The following DLG2 variants were observed in gnomAD, a reference collection of about 807,000 sequenced individuals.
The protein encoded by DLG2 is discs large MAGUK scaffold protein 2, also known as disks large homolog 2.
A neutral mutation model predicts 132.5 loss-of-function variants in DLG2; 45 were observed. That is an observed-to-expected ratio of 0.34 (90% confidence interval 0.27 to 0.44). DLG2 has a LOEUF of 0.44. DLG2 is among the 20% of genes least tolerant of loss of function. The pLI, the probability that DLG2 is intolerant of heterozygous loss-of-function variation, is 1.00. For synonymous variants in DLG2, 424 were observed against 419.6 expected (o/e 1.01, Z -0.13); for missense variants, 1,045 against 1,196.9 (o/e 0.87, Z 1.87).
intron 16 of DLG2, among the ~76,000 whole-genome samples, chr11:83,868,505 T>C (rs1183478191): frequency 6.6e-6 from 1 of 152,084 alleles, no homozygotes; most frequent in Non-Finnish European, 1.5e-5. Context: ...TACATATAAA[T>C]ACATATATAC....
intron 8 of DLG2, among the ~76,000 whole-genome samples, chr11:84,199,161 T>C (rs2096560679): frequency 6.6e-6 from 1 of 152,138 alleles, no homozygotes; most frequent in South Asian, 2.1e-4. Flanking sequence ...GAGTATGTAT[T>C]TCTAAGAGTG....
intron 6 of DLG2, among the ~76,000 whole-genome samples, chr11:85,109,216 C>T (rs1334441476): frequency 1.3e-5 from 2 of 152,090 alleles, no homozygotes; most frequent in Admixed American, 6.6e-5. Context: ...TCGGTATCTG[C>T]TGCACAACTC....
At chr11:84,913,926 G>A (rs930426203) in intron 6 of DLG2, among the ~76,000 whole-genome samples, 5 of 152,028 alleles carry the variant, frequency 3.3e-5, no homozygotes, top group Admixed American at 1.3e-4. Flanking sequence ...TTTTATTTGC[G>A]CCAAGATTCA....
At chr11:84,160,703 G>C (rs1230417071) in intron 9 of DLG2, among the ~76,000 whole-genome samples, 1 of 152,202 alleles carries the variant, frequency 6.6e-6, no homozygotes, top group African/African-American at 2.4e-5. Context: ...TTGCAGAAGA[G>C]AGAGGAGATA....
intron 11 of DLG2, among the ~76,000 whole-genome samples, chr11:83,982,623 G>A (rs7943072): frequency 0.87 from 132,841 of 152,140 alleles, 58,313 homozygotes; most frequent in East Asian, 1. Flanking sequence ...AAGTTACAGT[G>A]AGCTAAGGTT....
intron 16 of DLG2, among the ~76,000 whole-genome samples, chr11:83,839,063 G>C (rs1379643009): frequency 6.6e-6 from 1 of 152,120 alleles, no homozygotes; most frequent in Non-Finnish European, 1.5e-5. Flanking sequence ...CCATCTGGGG[G>C]CATTTTGTTA....
chr11:83,920,346 T>C (rs2077637619), intron 15 of DLG2, among the ~76,000 whole-genome samples: 1 of 91,280 alleles, frequency 1.1e-5, no homozygotes, highest in African/African-American at 4.6e-5. Context: ...GAAGGTTTAT[T>C]TTCTCTTCTC....
chr11:85,483,619 A>G (rs769186238), intron 3 of DLG2, among the ~76,000 whole-genome samples: 3 of 152,210 alleles, frequency 2.0e-5, no homozygotes, highest in Non-Finnish European at 2.9e-5. Context: ...AATCACTTAT[A>G]ACTTTAGTAT....
chr11:83,679,962 T>C (rs1424014628), intron 18 of DLG2, among the ~76,000 whole-genome samples: 1 of 152,180 alleles, frequency 6.6e-6, no homozygotes, highest in Non-Finnish European at 1.5e-5. Flanking sequence ...AAGGAAATTA[T>C]ATGTGTCACG....
At position 84,502,277 on chromosome 11, in the gene DLG2, TC is replaced by T. The variant is rs1445283126; in HGVS notation, c.519+32292del. Among the ~76,000 whole-genome samples, 4 of 60,856 alleles carry T rather than the reference TC, an allele frequency of 6.6e-5. 1 individual carries two copies. The highest frequency in any genetic ancestry group is 2.9e-4 in the East Asian group (1 of 3,426). The allele number at this position is 60,856 out of a possible 152,430, so 39.9% of individuals were successfully genotyped here. A position where few individuals can be genotyped will look rare whatever the true frequency, so the allele number is the denominator to read the frequency against. On this transcript the variant is annotated intron_variant, in intron 7 of 27. Coordinates refer to ENST00000376104, the MANE Select transcript of DLG2 (RefSeq NM_001142699.3). ...TTCCTTCCTTCCTTCCTTCCTTCCT[TC>T]CTTCTTTCTTTCTTTCTTTCTTTCT...
chr11:84,171,702 T>C (rs11827520), intron 8 of DLG2, among the ~76,000 whole-genome samples: 4,956 of 152,270 alleles, frequency 0.033, 247 homozygotes, highest in African/African-American at 0.11. Context: ...AGGTATCTTT[T>C]TGATACGATG....
intron 3 of DLG2, among the ~76,000 whole-genome samples, chr11:85,597,055 T>C (rs1348663452): frequency 6.6e-6 from 1 of 152,254 alleles, no homozygotes; most frequent in East Asian, 1.9e-4. Context: ...CTAATTTTAC[T>C]AGAGAAATTC....
At chr11:84,376,623 C>T (rs1317038609) in intron 7 of DLG2, among the ~76,000 whole-genome samples, 1 of 151,668 alleles carries the variant, frequency 6.6e-6, no homozygotes, top group Non-Finnish European at 1.5e-5. Context: ...GGTTAGTATT[C>T]TTGATTTTTA....
intron 6 of DLG2, among the ~76,000 whole-genome samples, chr11:84,816,214 G>A (rs1451841759): frequency 1.3e-5 from 2 of 151,874 alleles, no homozygotes; most frequent in Admixed American, 1.3e-4. Context: ...GGATGAGTTT[G>A]ATTTATTAAA....
intron 19 of DLG2, among the ~76,000 whole-genome samples, chr11:83,594,385 A>G (rs1375593585): frequency 6.6e-6 from 1 of 152,232 alleles, no homozygotes; most frequent in Non-Finnish European, 1.5e-5. Context: ...TGCATTTAAG[A>G]AATATGTTGC....
At chr11:84,532,576 G>C (rs1467118571) in intron 7 of DLG2, among the ~76,000 whole-genome samples, 1 of 152,004 alleles carries the variant, frequency 6.6e-6, no homozygotes, top group African/African-American at 2.4e-5. Flanking sequence ...GCTTACTCCA[G>C]CCTCAACTTC....
chr11:85,379,144 A>G (rs988331323), intron 3 of DLG2, among the ~76,000 whole-genome samples: 1 of 152,214 alleles, frequency 6.6e-6, no homozygotes, highest in Non-Finnish European at 1.5e-5. Flanking sequence ...CTTACAATGA[A>G]CAAGAACTTC....
intron 6 of DLG2, among the ~76,000 whole-genome samples, chr11:84,928,549 T>C (rs2047675087): frequency 6.6e-6 from 1 of 151,954 alleles, no homozygotes. Flanking sequence ...AAAAAGGTGC[T>C]ATCATTCCTT....
At chr11:84,331,743 C>G (rs777653997) in intron 7 of DLG2, among the ~76,000 whole-genome samples, 3 of 152,072 alleles carry the variant, frequency 2.0e-5, no homozygotes, top group African/African-American at 4.8e-5. Flanking sequence ...TTTAGGCCTG[C>G]TGGGCTAAAT....
Sources: allele counts gnomAD v4.1 joint callset (sites outside exome capture counted in the v4.1 genomes callset), GRCh38; gene constraint gnomAD v4.1.1; transcripts MANE v1.5; gene names NCBI Gene and HGNC (gene_info 2026-07-23, HGNC 2026-07-21).